SYT2: variants seen among roughly 807,000 people sequenced by gnomAD.
The protein encoded by SYT2 is synaptotagmin-2.
Under a neutral mutation model 39.9 loss-of-function variants are expected in SYT2, and 15 were observed. The observed-to-expected ratio is 0.38, with a 90% CI of 0.25 to 0.58. The LOEUF is 0.58. Ranked by LOEUF, SYT2 falls within the 20% of genes least tolerant of loss-of-function variation. The pLI is 0.70. For missense variants in SYT2, 389 were observed against 530.3 expected, an observed-to-expected ratio of 0.73 and a Z score of 2.62; for synonymous variants, 181 against 204.5, an observed-to-expected ratio of 0.89 and a Z score of 0.98.
intron 1 of SYT2, among the ~76,000 whole-genome samples, chr1:202,605,995 A>G (rs142399926): frequency 1.3e-5 from 2 of 152,214 alleles, no homozygotes; most frequent in South Asian, 4.2e-4. Flanking sequence ...TATCTTTAGA[A>G]ATTTTTTTTT....
At chr1:202,690,438 C>G (rs1262439665) in intron 1 of SYT2, among the ~76,000 whole-genome samples, 1 of 152,184 alleles carries the variant, frequency 6.6e-6, no homozygotes, top group Non-Finnish European at 1.5e-5. Flanking sequence ...TAGCCCTGCT[C>G]CAGCGCCATT....
At chr1:202,631,815 G>A (rs1691601606) in intron 1 of SYT2, among the ~76,000 whole-genome samples, 1 of 152,180 alleles carries the variant, frequency 6.6e-6, no homozygotes, top group African/African-American at 2.4e-5. Context: ...CCACTATTGG[G>A]AGGGGTGTTA....
intron 1 of SYT2, 104 bp from the exon 2 acceptor site, chr1:202,605,893 T>C: frequency 1.4e-6 from 1 of 736,256 alleles, no homozygotes; most frequent in Non-Finnish European, 2.2e-6. Flanking sequence ...AGATCAAAGA[T>C]ATTTTGCATA....
At position 202,596,902 on chromosome 1, in the gene SYT2, C is replaced by T; in HGVS notation, c.1115G>A (p.Gly372Asp). 6.2e-7 allele frequency: 1 copy of T among 1,614,206 alleles called. No individual in the cohort carries two copies. Among genetic ancestry groups the T allele is most frequent in the Non-Finnish European group, 8.5e-7 (1 of 1,180,042 alleles). The change falls in exon 9 of 9, where the codon GGC (glycine) becomes GAC (aspartate). Residue 372 changes from glycine (G) to aspartate (D), a missense_variant. This residue lies in a region of SYT2 where 84 missense variants were observed against 123.1 expected (regional missense o/e 0.68). Transcript: ENST00000367268. The part of the protein sequence containing the change: ...YDKLGKNEAI[G>D]KIFVGSNATG... ...GGCATTGCTGCCCACGAAGATCTTG[C>T]CTATGGCTTCGTTCTTGCCCAGCTT... is the stretch of plus-strand genomic sequence containing the variant.
chr1:202,630,377 C>T (rs1691550033), intron 1 of SYT2: 3 of 985,364 alleles, frequency 3.0e-6, no homozygotes, highest in Non-Finnish European at 3.6e-6. Flanking sequence ...CCATCGCCAA[C>T]CGGCTTTCCC....
Position 202,599,511 on chromosome 1 carries a change from G to A in SYT2, c.920-160C>T, listed in dbSNP as rs968659163. 1.3e-5 allele frequency among the ~76,000 whole-genome samples: 2 copies of A among 152,098 alleles called. No individual in the cohort carries two copies. The highest frequency in any genetic ancestry group is 6.6e-5 in the Admixed American group (1 of 15,262). On this transcript the variant is annotated intron_variant, in intron 7 of 8. Coordinates refer to ENST00000367268, the MANE Select transcript of SYT2 (RefSeq NM_177402.5). This position sits in a 1 kb window ranked among gnomAD's most constrained non-coding sequence, Gnocchi z 4.4. The stretch of plus-strand genomic sequence containing the variant: ...CCAAGTCATGCCATCCAGTTCAAAG[G>A]TGGCAAAAGGCTTCACCTCCAGGAC...
At chr1:202,650,409 G>GT (rs1558448691) in intron 1 of SYT2, among the ~76,000 whole-genome samples, 3 of 151,846 alleles carry the variant, frequency 2.0e-5, no homozygotes, top group Admixed American at 6.6e-5. Context: ...GGGTCTTTGG[G>GT]GTCTGCCAAA....
In SYT2 at chr1:202,600,428, G is replaced by T; in HGVS notation, c.848C>A (p.Thr283Lys). The T allele has an allele frequency of 6.2e-7, 1 of 1,614,214 alleles. No homozygotes were observed. The highest frequency in any genetic ancestry group is 8.5e-7 in the Non-Finnish European group (1 of 1,180,038). The change falls in exon 7 of 9, where the codon ACG becomes AAG. Residue 283 changes from threonine (T) to lysine (K), a missense_variant. Physicochemically the swap from Thr to Lys is moderately conservative, Grantham distance 78. This residue lies in a region of SYT2 where 21 missense variants were observed against 47.0 expected (regional missense o/e 0.45). Coordinates refer to ENST00000367268, the MANE Select transcript of SYT2 (RefSeq NM_177402.5). ...GATGCAGACAGTGAGCTTCCCGGCC[G>T]TGGGCACATAGCGCAGGGAGGTGCA... is the stretch of plus-strand genomic sequence containing the variant. ...DICTSLRYVP[T>K]AGKLTVCILE...
At chr1:202,683,131 T>C (rs1016099342) in intron 1 of SYT2, among the ~76,000 whole-genome samples, 1 of 152,152 alleles carries the variant, frequency 6.6e-6, no homozygotes, top group Admixed American at 6.5e-5. Flanking sequence ...CCATCACTAC[T>C]GGTGGGAGTG....
intron 1 of SYT2, among the ~76,000 whole-genome samples, chr1:202,624,584 ATG>A (rs762062877): frequency 2.7e-5 from 1 of 36,676 alleles, no homozygotes; most frequent in African/African-American, 1.1e-4. Context: ...GTGGTGTGTG[ATG>A]TGTGTGGTAT....
At chr1:202,632,487 G>T (rs1691621232) in intron 1 of SYT2, 1 of 892,930 alleles carries the variant, frequency 1.1e-6, no homozygotes, top group Non-Finnish European at 1.3e-6. Flanking sequence ...TGGAAGAAAG[G>T]CTGCGTAGCC....
chr1:202,626,543 T>C (rs1353927316), intron 1 of SYT2, among the ~76,000 whole-genome samples: 2 of 151,586 alleles, frequency 1.3e-5, no homozygotes, highest in Non-Finnish European at 2.9e-5. Context: ...GCCCGGCTCT[T>C]TTTTGTAGAG....
chr1:202,666,026 G>A (rs896253219), intron 1 of SYT2, among the ~76,000 whole-genome samples: 2 of 151,866 alleles, frequency 1.3e-5, no homozygotes, highest in South Asian at 2.1e-4. Flanking sequence ...GGTGGCGGGC[G>A]CCTGTAGTCC....
chr1:202,694,758 T>C (rs112186462), intron 1 of SYT2, among the ~76,000 whole-genome samples: 2,351 of 151,690 alleles, frequency 0.015, 38 homozygotes, highest in Non-Finnish European at 0.024. Flanking sequence ...TTCTTCCCCT[T>C]CTTATTCCTC....
At position 202,596,384 on chromosome 1, in the gene SYT2, T is replaced by C; in HGVS notation, c.*373A>G. On this transcript the variant is annotated 3_prime_UTR_variant, in exon 9 of 9. Transcript: ENST00000367268. The stretch of plus-strand genomic sequence containing the variant: ...TTCCCTGTCAGGAAGCAGGATGTGC[T>C]GCCATTTTGTTGGTCCAGAAGGCTC... The C allele has an allele frequency of 4.9e-6, 1 of 202,750 alleles. No individual in the cohort carries two copies. The highest frequency in any genetic ancestry group is 1.0e-5 in the Non-Finnish European group (1 of 100,236). 12.6% of individuals were successfully genotyped at this position (202,750 alleles called of 1,614,324 possible).
chr1:202,612,900 C>G (rs187208802), intron 1 of SYT2, among the ~76,000 whole-genome samples: 5 of 152,160 alleles, frequency 3.3e-5, no homozygotes, highest in African/African-American at 1.2e-4. Context: ...AACTACACAT[C>G]TTGCACTTCT....
intron 1 of SYT2, among the ~76,000 whole-genome samples, chr1:202,663,842 G>A (rs778668654): frequency 5.9e-5 from 9 of 152,148 alleles, no homozygotes; most frequent in Admixed American, 5.2e-4. Flanking sequence ...TGGCTGCTCT[G>A]TCTACTGGGC....
At chr1:202,607,209 G>A (rs1396172629) in intron 1 of SYT2, among the ~76,000 whole-genome samples, 14 of 152,166 alleles carry the variant, frequency 9.2e-5, no homozygotes, top group Non-Finnish European at 2.1e-4. Context: ...GGCAGATCCT[G>A]TGTTGGCAAC....
intron 1 of SYT2, among the ~76,000 whole-genome samples, chr1:202,667,698 T>TTTTTA (rs1051843665): frequency 3.9e-5 from 6 of 151,922 alleles, no homozygotes; most frequent in Admixed American, 2.6e-4. Flanking sequence ...TTTTCTTTTA[T>TTTTTA]TTTTATTTTA....
Sources: allele counts gnomAD v4.1 joint callset (sites outside exome capture counted in the v4.1 genomes callset), GRCh38; gene constraint gnomAD v4.1.1; regional missense constraint gnomAD v4.1.1; non-coding constraint Gnocchi (gnomAD v3.1); transcripts MANE v1.5; gene names NCBI Gene and HGNC (gene_info 2026-07-23, HGNC 2026-07-21).